Variants in CTDP1 observed in about 807,000 individuals in gnomAD.
CTDP1 encodes the protein CTD phosphatase 1, also known as RNA polymerase II subunit A C-terminal domain phosphatase.
Under a neutral mutation model 91.8 loss-of-function variants are expected in CTDP1, and 47 were observed. The observed-to-expected ratio is 0.51, with a 90% CI of 0.41 to 0.65. The LOEUF (loss-of-function observed/expected upper bound fraction) is 0.65. CTDP1 is among the 30% of genes least tolerant of loss of function. The probability of loss-of-function intolerance (pLI) is 0.00; values close to 1 mark genes in which losing one functional copy is unlikely to be tolerated. For synonymous variants in CTDP1, 656 were observed against 598.5 expected, an observed-to-expected ratio of 1.10 and a Z score of -1.40; for missense variants, 1,272 against 1,373.7, an observed-to-expected ratio of 0.93 and a Z score of 1.17.
At chr18:79,745,229 G>T (rs1460791920) in intron 12 of CTDP1, among the ~76,000 whole-genome samples, 1 of 152,178 alleles carries the variant, frequency 6.6e-6, no homozygotes, top group Non-Finnish European at 1.5e-5. Flanking sequence ...TGTTTGACTG[G>T]ATTGTGCGTC....
At chr18:79,693,829 T>A (rs1219832775) in intron 1 of CTDP1, among the ~76,000 whole-genome samples, 1 of 150,204 alleles carries the variant, frequency 6.7e-6, no homozygotes, top group Non-Finnish European at 1.5e-5. Context: ...CCCTGCAGGA[T>A]GCTGGCTACA....
intron 10 of CTDP1, among the ~76,000 whole-genome samples, chr18:79,724,789 A>G (rs905855949): frequency 2.0e-5 from 3 of 152,172 alleles, no homozygotes; most frequent in African/African-American, 7.2e-5. Flanking sequence ...GTTTTATCCT[A>G]AAAGTTCTAT....
chr18:79,702,055 T>C (rs147797314), intron 4 of CTDP1, among the ~76,000 whole-genome samples: 440 of 152,382 alleles, frequency 2.9e-3, no homozygotes, highest in African/African-American at 9.2e-3. Context: ...ATCAACTTAG[T>C]TGGTAAACCA....
At chr18:79,701,854 G>T (rs185163167) in intron 4 of CTDP1, among the ~76,000 whole-genome samples, 1 of 152,232 alleles carries the variant, frequency 6.6e-6, no homozygotes, top group Non-Finnish European at 1.5e-5. Flanking sequence ...CAGGTGTGGT[G>T]GAAATAGCGA....
chr18:79,699,057 C>T (rs181447721), intron 4 of CTDP1, among the ~76,000 whole-genome samples: 4 of 152,234 alleles, frequency 2.6e-5, no homozygotes, highest in East Asian at 1.9e-4. Context: ...TGGAGAGAAT[C>T]GAGTAACTGC....
intron 11 of CTDP1, among the ~76,000 whole-genome samples, chr18:79,733,449 G>T (rs117201593): frequency 0.039 from 5,931 of 152,258 alleles, 190 homozygotes; most frequent in South Asian, 0.16. Context: ...GGTTGAGGTG[G>T]GGCCCGTCTC....
rs114892177 is a variant in CTDP1, at chr18:79,700,222, A to G, written c.621+2234A>G. Among the ~76,000 whole-genome samples, 731 of 152,330 alleles carry G rather than the reference A, an allele frequency of 4.8e-3. 10 individuals carry two copies. The highest frequency in any genetic ancestry group is 0.017 in the African/African-American group (704 of 41,580). Reference sequence around the variant, plus strand: ...TGTTCAAGTGGGAGGAAGGCTCACCAGTCTCTCACTTTAAATCAAAAGGTA... The same window carrying G: ...TGTTCAAGTGGGAGGAAGGCTCACCGGTCTCTCACTTTAAATCAAAAGGTA... On this transcript the variant is annotated intron_variant, in intron 4 of 12. Coordinates refer to ENST00000613122, the MANE Select transcript of CTDP1 (RefSeq NM_004715.5).
chr18:79,685,048 C>T lies in CTDP1; in HGVS notation c.314+4787C>T, dbSNP rs201279391. 2.9e-3 allele frequency among the ~76,000 whole-genome samples: 361 copies of T among 123,016 alleles called. 7 individuals carry two copies. The highest frequency in any genetic ancestry group is 5.3e-3 in the Middle Eastern group (1 of 188). The allele number at this position is 123,016 out of a possible 152,430, so 80.7% of individuals were successfully genotyped here. A position where few individuals can be genotyped will look rare whatever the true frequency, so the allele number is the denominator to read the frequency against. On this transcript the variant is annotated intron_variant, in intron 1 of 12. Coordinates refer to ENST00000613122, the MANE Select transcript of CTDP1 (RefSeq NM_004715.5). ...GTGGTCTCTACTCCCAGTTTCTCTG[C>T]GGTGCTCCTTACGGGGTGTGAGGTC...
At position 79,714,921 on chromosome 18, in the gene CTDP1, G is replaced by T. The variant is rs2126082; in HGVS notation, c.1461G>T (p.Pro487=). 2 of 1,564,944 alleles carry T rather than the reference G, an allele frequency of 1.3e-6. No individual in the cohort carries two copies. The highest frequency in any genetic ancestry group is 1.7e-6 in the Non-Finnish European group (2 of 1,154,996). The change falls in exon 8 of 13, where the codon CCG becomes CCT. Residue 487 remains proline, a synonymous_variant. Transcript: ENST00000613122. ...AGGGGAAAAGAGGCCGGCAGAAGCC[G>T]AAGGCTGCCCCAGAGGGAGCCGGGG... ...ESEGKRGRQK[P]KAAPEGAGAL... is the part of the protein sequence containing the mutation.
chr18:79,721,183 G>A (rs1177134339), intron 10 of CTDP1, among the ~76,000 whole-genome samples: 1 of 152,184 alleles, frequency 6.6e-6, no homozygotes, highest in East Asian at 1.9e-4. Context: ...TCACCACTGC[G>A]GTGATCCCAG....
At chr18:79,711,927 T>C (rs1448970975) in intron 6 of CTDP1, among the ~76,000 whole-genome samples, 1 of 70,582 alleles carries the variant, frequency 1.4e-5, no homozygotes, top group Non-Finnish European at 3.1e-5. Context: ...CAGGTGTGGC[T>C]TGTTTTCCCG....
intron 3 of CTDP1, among the ~76,000 whole-genome samples, chr18:79,696,600 C>G (rs933864428): frequency 6.6e-6 from 1 of 151,858 alleles, no homozygotes; most frequent in Non-Finnish European, 1.5e-5. Context: ...GAAGCTGGCT[C>G]GGGAGAGTGG....
chr18:79,722,794 T>C (rs899383697), intron 10 of CTDP1, among the ~76,000 whole-genome samples: 3 of 152,200 alleles, frequency 2.0e-5, no homozygotes, highest in Admixed American at 1.3e-4. Flanking sequence ...CTAGACATAG[T>C]GCTGGAAGTC....
chr18:79,682,222 G>A (rs2085387800), intron 1 of CTDP1, among the ~76,000 whole-genome samples: 1 of 152,220 alleles, frequency 6.6e-6, no homozygotes, highest in Admixed American at 6.5e-5. Flanking sequence ...GGCTGCCGTT[G>A]GGAGCCGGTA....
At position 79,718,015 on chromosome 18, in the gene CTDP1, A is replaced by C; in HGVS notation, c.2416A>C (p.Arg806=). 1 of 1,613,006 alleles carries C rather than the reference A, an allele frequency of 6.2e-7. No homozygotes were observed. Among genetic ancestry groups the C allele is most frequent in the Non-Finnish European group, 8.5e-7 (1 of 1,179,842 alleles). Reference sequence around the variant, plus strand: ...CATCCGCCAGGAGCCCTCTTCCTTCAGGTACGTGGCGGCCCAGCCACTGTC... The same window carrying C: ...CATCCGCCAGGAGCCCTCTTCCTTCCGGTACGTGGCGGCCCAGCCACTGTC... ...LPIRQEPSSF[R]AVPPPQPQMF... The change falls in exon 10 of 13, where the codon AGA becomes CGA. Residue 806 remains arginine, a splice_region_variant and synonymous_variant. Transcript: ENST00000613122.
At chr18:79,738,369 G>C (rs2122799866) in intron 12 of CTDP1, among the ~76,000 whole-genome samples, 1 of 152,312 alleles carries the variant, frequency 6.6e-6, no homozygotes, top group Admixed American at 6.5e-5. Flanking sequence ...TGAGAACTTG[G>C]TCTCCAGAGC....
chr18:79,704,597 C>G (rs890867862), intron 4 of CTDP1, among the ~76,000 whole-genome samples, 170 bp from the exon 5 acceptor site: 1 of 151,334 alleles, frequency 6.6e-6, no homozygotes, highest in African/African-American at 2.5e-5. Context: ...GGACGCCTGT[C>G]TCAGGCACCC....
At chr18:79,679,147 G>A, upstream of CTDP1, 1 of 301,506 alleles carries the variant, frequency 3.3e-6, no homozygotes, top group Non-Finnish European at 6.5e-6. Flanking sequence ...CCAACCAGGC[G>A]CTTCCGGGCG....
intron 11 of CTDP1, among the ~76,000 whole-genome samples, chr18:79,729,300 C>T (rs1312749950): frequency 1.3e-5 from 2 of 152,220 alleles, no homozygotes; most frequent in Non-Finnish European, 2.9e-5. Flanking sequence ...CATGAGAACA[C>T]GTGGAAGTTG....
Sources: gnomAD v4.1 joint callset for allele counts (sites outside exome capture counted in the v4.1 genomes callset) on GRCh38, gnomAD v4.1.1 for gene constraint, MANE v1.5 for transcripts, NCBI Gene and HGNC (gene_info 2026-07-23, HGNC 2026-07-21) for gene names.